The following BCOR variants were observed in gnomAD, a reference collection of about 807,000 sequenced individuals.
The protein encoded by BCOR is BCL-6 corepressor.
A neutral mutation model predicts 86.7 loss-of-function variants in BCOR; 10 were observed. The ratio of observed to expected loss-of-function variants is 0.12; its 90% CI spans 0.07 to 0.20. The LOEUF is 0.20. Ranked by LOEUF, BCOR falls within the 10% of genes least tolerant of loss-of-function variation. The probability of loss-of-function intolerance (pLI) is 1.00; values close to 1 mark genes in which losing one functional copy is unlikely to be tolerated. For missense variants in BCOR, 1,259 were observed against 1,452.1 expected (o/e 0.87, Z 2.16); for synonymous variants, 611 against 609.0 (o/e 1.00, Z -0.05).
chrX:40,082,671 C>A (rs940972496), intron 1 of BCOR, among the ~76,000 whole-genome samples: 6 of 111,577 alleles, frequency 5.4e-5, no homozygotes, highest in Admixed American at 1.9e-4. Flanking sequence ...CCTCACTCAC[C>A]GCGTGTCTCT....
intron 1 of BCOR, among the ~76,000 whole-genome samples, chrX:40,166,122 C>T (rs193208481): frequency 8.9e-6 from 1 of 112,111 alleles, no homozygotes; most frequent in Non-Finnish European, 1.9e-5. Context: ...ATCTTAAGCC[C>T]GTATGCATCT....
chrX:40,108,472 C>A (rs1471670713), intron 1 of BCOR, among the ~76,000 whole-genome samples: 1 of 113,606 alleles, frequency 8.8e-6, no homozygotes. Flanking sequence ...AGAGCCGAGT[C>A]CGCGAGGCGA....
chrX:40,167,748 C>A (rs764871698), intron 1 of BCOR, among the ~76,000 whole-genome samples: 3 of 112,117 alleles, frequency 2.7e-5, no homozygotes, highest in African/African-American at 3.2e-5. Context: ...ACACACACAC[C>A]CACACAGATA....
chrX:40,110,659 TCCTTTTTC>T (rs1569182581), intron 1 of BCOR, among the ~76,000 whole-genome samples: 3 of 62,134 alleles, frequency 4.8e-5, no homozygotes, highest in East Asian at 5.8e-4. Context: ...TTTTCTTTTT[TCCTTTTTC>T]TTTTTTTTTT....
At chrX:40,066,307 G>A (rs757385597) in intron 6 of BCOR, among the ~76,000 whole-genome samples, 139 of 111,939 alleles carry the variant, frequency 1.2e-3, no homozygotes, top group Non-Finnish European at 2.2e-3. Context: ...ACACTATGCA[G>A]AAGTGGTGAC....
chrX:40,160,088 C>T (rs1244571637), intron 1 of BCOR, among the ~76,000 whole-genome samples: 1 of 111,735 alleles, frequency 8.9e-6, no homozygotes, highest in Non-Finnish European at 1.9e-5. Flanking sequence ...CCCCCTCCAC[C>T]ATCAGATGGT....
intron 1 of BCOR, among the ~76,000 whole-genome samples, chrX:40,080,823 TG>T (rs1936054254): frequency 2.0e-5 from 1 of 49,906 alleles, no homozygotes; most frequent in African/African-American, 3.1e-4. Flanking sequence ...GTCGTGTGTG[TG>T]TGTGTGTGTG....
At chrX:40,106,260 C>T (rs1937181910) in intron 1 of BCOR, among the ~76,000 whole-genome samples, 1 of 111,275 alleles carries the variant, frequency 9.0e-6, no homozygotes, top group Non-Finnish European at 1.9e-5. Flanking sequence ...GTTGTTTTGC[C>T]AGCGGGAGCC....
chrX:40,105,962 C>T (rs185749618), intron 1 of BCOR, among the ~76,000 whole-genome samples: 96 of 113,000 alleles, frequency 8.5e-4, no homozygotes, highest in African/African-American at 3.0e-3. Context: ...ACCAGACACA[C>T]TCATCTCCCC....
upstream of BCOR, among the ~76,000 whole-genome samples, chrX:40,098,842 TG>T (rs1279181460): frequency 5.4e-5 from 6 of 111,156 alleles, no homozygotes; most frequent in Non-Finnish European, 9.5e-5. Context: ...TTCAATTGTG[TG>T]GGAATTGTTT....
upstream of BCOR, among the ~76,000 whole-genome samples, chrX:40,099,882 C>A (rs377288245): frequency 8.9e-6 from 1 of 112,192 alleles, no homozygotes; most frequent in South Asian, 3.6e-4. Flanking sequence ...CCCCCGCGAG[C>A]AGTGCCCAGC....
intron 10 of BCOR, among the ~76,000 whole-genome samples, chrX:40,058,107 G>A (rs1039666345): frequency 8.9e-6 from 1 of 112,398 alleles, no homozygotes; most frequent in Non-Finnish European, 1.9e-5. Flanking sequence ...CGCATTTCAA[G>A]AACTAAGTAA....
intron 1 of BCOR, among the ~76,000 whole-genome samples, chrX:40,175,111 C>G (rs1469669645): frequency 9.5e-6 from 1 of 104,810 alleles, no homozygotes; most frequent in Non-Finnish European, 2.0e-5. Context: ...TCGCGGGCAG[C>G]CTGTTCTGAC....
Position 40,062,949 on chromosome X carries a change from T to C in BCOR, c.3970A>G (p.Ile1324Val). 3.3e-6 allele frequency: 4 copies of C among 1,198,367 alleles called. No individual in the cohort carries two copies. Among genetic ancestry groups the C allele is most frequent in the Non-Finnish European group, 4.5e-6 (4 of 888,108 alleles). ...ACATCTGTCTTCTGGTTTTCTTTAA[T>C]TTTCTGCTGTTTGGCAGGCGGCCTG... ...ASRPPAKQQK[I>V]KENQKTDVLC... Residue 1324 changes from isoleucine (I) to valine (V), a missense_variant, in exon 9 of 15, where the codon ATT becomes GTT. Physicochemically the swap from Ile to Val is conservative, Grantham distance 29. Around this residue, in one of 7 missense-constraint regions of BCOR, gnomAD observed 305 missense variants for 286.1 expected, o/e 1.07. Coordinates refer to ENST00000378444, the MANE Select transcript of BCOR (RefSeq NM_001123385.2).
At chrX:40,099,013 G>T (rs984897297), upstream of BCOR, among the ~76,000 whole-genome samples, 12 of 113,096 alleles carry the variant, frequency 1.1e-4, no homozygotes, top group African/African-American at 3.5e-4. Flanking sequence ...TCGCCCCGGC[G>T]TTGGGAGATT....
chrX:40,052,521 C>T lies in BCOR; in HGVS notation c.4977-121G>A, dbSNP rs1045937752. The T allele has an allele frequency of 1.5e-5, 9 of 588,782 alleles. No homozygotes were observed. In the Admixed American group the frequency reaches 2.2e-4, roughly 15 times the overall value. The allele number at this position is 588,782 out of a possible 1,213,427, so 48.5% of individuals were successfully genotyped here. On this transcript the variant is annotated intron_variant, in intron 14 of 14. Transcript: ENST00000378444. ...TATGTCCTTTCATTCTGCTCCCACC[C>T]CTCATTTCTCACCATACCTACTCTC...
rs749600134 is a variant in BCOR at position 40,052,202 on chromosome X, A to C, written c.5175T>G (p.Asp1725Glu). 1 of 1,211,569 alleles carries C rather than the reference A, an allele frequency of 8.3e-7. No individual in the cohort carries two copies. Among genetic ancestry groups the C allele is most frequent in the East Asian group, 3.0e-5 (1 of 33,852 alleles). The change falls in exon 15 of 15, where the codon GAT becomes GAG. Residue 1725 changes from aspartate to glutamate, a missense_variant. Physicochemically the swap from Asp to Glu is conservative, Grantham distance 45. Coordinates refer to ENST00000378444, the MANE Select transcript of BCOR (RefSeq NM_001123385.2). ...AFNPESKELL[D>E]LVEFTNEIQT... ...GAATTTCGTTCGTGAATTCCACCAG[A>C]TCTAACAGCTCCTTACTTTCAGGGT...
rs1443093034 is a variant in BCOR at position 40,129,259 on chromosome X, G to A, written c.-41+47748C>T. Among the ~76,000 whole-genome samples the A allele has an allele frequency of 4.5e-5, 5 of 111,449 alleles. No homozygotes were observed. In the East Asian group the frequency reaches 1.1e-3, roughly 25 times the overall value. On this transcript the variant is annotated intron_variant, in intron 1 of 14. Transcript: ENST00000342274. ...CTAGCACTTTGGGAGGCTGAGGCGGGCAGATCACGAGGTCAAGAGATCGAG... is the reference window on the plus strand; with the variant it reads ...CTAGCACTTTGGGAGGCTGAGGCGGACAGATCACGAGGTCAAGAGATCGAG...
chrX:40,083,106 G>A (rs1936180488), intron 1 of BCOR, among the ~76,000 whole-genome samples: 1 of 109,442 alleles, frequency 9.1e-6, no homozygotes, highest in South Asian at 4.1e-4. Context: ...ATTTTAGGAT[G>A]TGAGGGGTGG....
Sources: allele counts gnomAD v4.1 joint callset (sites outside exome capture counted in the v4.1 genomes callset), GRCh38; gene constraint gnomAD v4.1.1; regional missense constraint gnomAD v4.1.1; transcripts MANE v1.5; gene names NCBI Gene and HGNC (gene_info 2026-07-23, HGNC 2026-07-21).